MARCHF1: variants seen among roughly 807,000 people sequenced by gnomAD.
MARCHF1 encodes membrane associated ring-CH-type finger 1, also known as E3 ubiquitin-protein ligase MARCHF1.
MARCHF1 carries 40 observed loss-of-function variants against 54.2 expected under a neutral mutation model. That is an observed-to-expected ratio of 0.74 (90% confidence interval 0.57 to 0.96). The LOEUF is 0.96. Ranked by LOEUF, MARCHF1 falls within the 40% of genes least tolerant of loss-of-function variation. The pLI is 0.00. For missense variants in MARCHF1, 586 were observed against 656.5 expected, an observed-to-expected ratio of 0.89 and a Z score of 1.17; for synonymous variants, 236 against 236.3, an observed-to-expected ratio of 1.00 and a Z score of 0.01.
intron 8 of MARCHF1, among the ~76,000 whole-genome samples, chr4:163,565,529 C>T (rs574511352): frequency 2.0e-5 from 3 of 152,146 alleles, no homozygotes; most frequent in Non-Finnish European, 2.9e-5. Context: ...TAAAAGAAAA[C>T]GAATCCCACA....
chr4:163,932,839 A>G (rs906503747), intron 3 of MARCHF1: 3 of 625,930 alleles, frequency 4.8e-6, no homozygotes, highest in South Asian at 2.7e-5. Flanking sequence ...TTAACAGCCA[A>G]TGCAACTAAT....
chr4:163,694,480 G>A (rs1466243129), intron 5 of MARCHF1, among the ~76,000 whole-genome samples: 6 of 152,124 alleles, frequency 3.9e-5, no homozygotes, highest in African/African-American at 1.2e-4. Flanking sequence ...GCCTCAAGAG[G>A]GGACAAAGTG....
At chr4:163,994,465 T>C (rs1263083352) in intron 2 of MARCHF1, among the ~76,000 whole-genome samples, 1 of 151,898 alleles carries the variant, frequency 6.6e-6, no homozygotes. Flanking sequence ...ATATACCTAA[T>C]GCTAAATGAC....
In MARCHF1 at chr4:164,339,238, A is replaced by G. The variant is rs138895910; in HGVS notation, c.-323+44632T>C. ...TAAACCAAGTGGACCTCACAGACAC[A>G]TACAGAATATTCCATCCAACAGCAG... On this transcript the variant is annotated intron_variant, in intron 1 of 9. Transcript: ENST00000514618. Among the ~76,000 whole-genome samples the G allele has an allele frequency of 3.5e-3, 536 of 152,326 alleles. 5 individuals carry two copies. The highest frequency in any genetic ancestry group is 0.012 in the African/African-American group (514 of 41,586).
chr4:164,273,809 A>G (rs927252417), intron 1 of MARCHF1, among the ~76,000 whole-genome samples: 1 of 152,178 alleles, frequency 6.6e-6, no homozygotes, highest in African/African-American at 2.4e-5. Flanking sequence ...TAATCAGACA[A>G]TTTCTGAAGA....
chr4:164,286,370 A>T (rs1734147441), intron 1 of MARCHF1, among the ~76,000 whole-genome samples: 2 of 152,220 alleles, frequency 1.3e-5, no homozygotes, highest in African/African-American at 4.8e-5. Context: ...CAACATTTTT[A>T]AAAATAACTA....
intron 1 of MARCHF1, among the ~76,000 whole-genome samples, chr4:164,135,020 G>A (rs1442948710): frequency 6.6e-6 from 1 of 152,058 alleles, no homozygotes; most frequent in Non-Finnish European, 1.5e-5. Context: ...AATTTGCTTT[G>A]ATCATTGTCT....
chr4:163,851,219 G>C (rs1281003903), intron 4 of MARCHF1, among the ~76,000 whole-genome samples: 1 of 152,178 alleles, frequency 6.6e-6, no homozygotes, highest in Non-Finnish European at 1.5e-5. Flanking sequence ...AGAAACATCT[G>C]AGAAGTCATT....
chr4:163,977,553 G>A (rs1752673317), intron 3 of MARCHF1, among the ~76,000 whole-genome samples: 1 of 152,068 alleles, frequency 6.6e-6, no homozygotes, highest in Non-Finnish European at 1.5e-5. Flanking sequence ...AAGTCATTTT[G>A]TGGATGTTAC....
chr4:164,208,549 T>G (rs1166977447), intron 1 of MARCHF1, among the ~76,000 whole-genome samples: 1 of 152,160 alleles, frequency 6.6e-6, no homozygotes, highest in African/African-American at 2.4e-5. Context: ...TTACTTGGAT[T>G]TGCCTATAGG....
At chr4:164,295,451 C>CACACACACAA in intron 1 of MARCHF1, among the ~76,000 whole-genome samples, 1 of 18,428 alleles carries the variant, frequency 5.4e-5, no homozygotes, top group South Asian at 1.3e-3. Flanking sequence ...CACACAAACA[C>CACACACACAA]ACACACACAC....
At chr4:164,231,017 CT>C (rs1370256812) in intron 1 of MARCHF1, among the ~76,000 whole-genome samples, 1 of 152,008 alleles carries the variant, frequency 6.6e-6, no homozygotes, top group Non-Finnish European at 1.5e-5. Flanking sequence ...ATCCTTTCAC[CT>C]TACAACTAGC....
At chr4:163,820,642 A>AT (rs377121194) in intron 4 of MARCHF1, among the ~76,000 whole-genome samples, 1,637 of 152,054 alleles carry the variant, frequency 0.011, 21 homozygotes, top group African/African-American at 0.033. Flanking sequence ...ACTGTTCTTT[A>AT]TTTCTAATAA....
intron 5 of MARCHF1, among the ~76,000 whole-genome samples, chr4:163,634,035 C>G (rs1416232211): frequency 6.6e-6 from 1 of 152,114 alleles, no homozygotes; most frequent in East Asian, 1.9e-4. Context: ...ACTTTACAGA[C>G]AAGCAAATGC....
intron 3 of MARCHF1, among the ~76,000 whole-genome samples, chr4:163,871,068 A>G (rs1175303459): frequency 6.6e-6 from 1 of 152,168 alleles, no homozygotes; most frequent in Non-Finnish European, 1.5e-5. Flanking sequence ...TACATTGTAT[A>G]CAGGTATCAA....
intron 4 of MARCHF1, among the ~76,000 whole-genome samples, chr4:163,730,757 TA>T (rs1745801319): frequency 6.6e-6 from 1 of 152,160 alleles, no homozygotes; most frequent in South Asian, 2.1e-4. Context: ...TCAGGTCTTT[TA>T]AAAGCCTGTT....
At chr4:163,580,314 G>A (rs1192321876) in intron 8 of MARCHF1, among the ~76,000 whole-genome samples, 1 of 151,958 alleles carries the variant, frequency 6.6e-6, no homozygotes, top group Non-Finnish European at 1.5e-5. Context: ...TCCTGACCTC[G>A]TGATCCGCCC....
At chr4:164,329,067 A>G (rs1407662105) in intron 1 of MARCHF1, among the ~76,000 whole-genome samples, 1 of 152,198 alleles carries the variant, frequency 6.6e-6, no homozygotes, top group East Asian at 1.9e-4. Context: ...AATATTCTAC[A>G]TCTCGTTACT....
rs1330247066 is a variant in MARCHF1, at chr4:163,601,485, C to T, written c.1010+10786G>A. On this transcript the variant is annotated intron_variant, in intron 7 of 9. Coordinates refer to ENST00000514618, the MANE Select transcript of MARCHF1 (RefSeq NM_001394959.1). ...AAAGGAAGCACATAGTTCAGTATAA[C>T]TGCAATTCTGGACACATATTGTTCT... is the stretch of plus-strand genomic sequence containing the variant. Among the ~76,000 whole-genome samples the T allele has an allele frequency of 1.3e-5, 2 of 151,610 alleles. 1 individual carries two copies. Among genetic ancestry groups the T allele is most frequent in the African/African-American group, 4.8e-5 (2 of 41,250 alleles).
Sources: gnomAD v4.1 joint callset for allele counts (sites outside exome capture counted in the v4.1 genomes callset) on GRCh38, gnomAD v4.1.1 for gene constraint, MANE v1.5 for transcripts, NCBI Gene and HGNC (gene_info 2026-07-23, HGNC 2026-07-21) for gene names.